TM9SF4: variants seen among roughly 807,000 people sequenced by gnomAD.
The protein encoded by TM9SF4 is transmembrane 9 superfamily member 4.
Under a neutral mutation model 90.4 loss-of-function variants are expected in TM9SF4, and 26 were observed. The ratio of observed to expected loss-of-function variants is 0.29; its 90% CI spans 0.21 to 0.40. The LOEUF (loss-of-function observed/expected upper bound fraction) is 0.40. TM9SF4 is among the 10% of genes least tolerant of loss of function. The pLI, the probability that TM9SF4 is intolerant of heterozygous loss-of-function variation, is 1.00. For missense variants in TM9SF4, 549 were observed against 834.8 expected (o/e 0.66, Z 4.22); for synonymous variants, 293 against 315.4 (o/e 0.93, Z 0.75).
At chr20:32,127,583 T>C (rs939110485) in intron 1 of TM9SF4, among the ~76,000 whole-genome samples, 7 of 152,190 alleles carry the variant, frequency 4.6e-5, no homozygotes, top group African/African-American at 1.7e-4. Context: ...CTCTGGCTTC[T>C]TGTTGTTTTT....
At position 32,142,971 on chromosome 20, in the gene TM9SF4, C is replaced by G; in HGVS notation, c.529-11C>G. ...ATGTTCTGTTGTGCTTTCTCTGTTGCTGTGTTTCAGATCTACCTGCACAAC... is the reference window on the plus strand; with the variant it reads ...ATGTTCTGTTGTGCTTTCTCTGTTGGTGTGTTTCAGATCTACCTGCACAAC... On this transcript the variant is annotated splice_polypyrimidine_tract_variant and intron_variant, in intron 5 of 17. Transcript: ENST00000398022. 1 of 1,612,258 alleles carries G rather than the reference C, an allele frequency of 6.2e-7. No homozygotes were observed. Among genetic ancestry groups the G allele is most frequent in the Non-Finnish European group, 8.5e-7 (1 of 1,178,904 alleles).
chr20:32,127,691 T>C (rs2046443652), intron 1 of TM9SF4, among the ~76,000 whole-genome samples: 1 of 152,240 alleles, frequency 6.6e-6, no homozygotes, highest in African/African-American at 2.4e-5. Flanking sequence ...GGAACAAAAG[T>C]GTATTGAAGT....
intron 1 of TM9SF4, among the ~76,000 whole-genome samples, chr20:32,130,184 C>A (rs2046490134): frequency 6.6e-6 from 1 of 152,148 alleles, no homozygotes; most frequent in Non-Finnish European, 1.5e-5. Flanking sequence ...TTTTGGTTGC[C>A]AACTTCAGTA....
intron 17 of TM9SF4, among the ~76,000 whole-genome samples, chr20:32,163,269 ATAT>A (rs1348449901): frequency 2.5e-4 from 17 of 66,976 alleles, no homozygotes; most frequent in African/African-American, 1.1e-3. Context: ...AAAAAAAAAA[ATAT>A]ATATATATAT....
At chr20:32,111,904 A>C (rs978202330) in intron 1 of TM9SF4, among the ~76,000 whole-genome samples, 2 of 152,204 alleles carry the variant, frequency 1.3e-5, no homozygotes, top group African/African-American at 4.8e-5. Context: ...GGAGGGAAGC[A>C]AGAGCAACTG....
chr20:32,123,571 C>G (rs1480646927), intron 1 of TM9SF4, among the ~76,000 whole-genome samples: 1 of 150,310 alleles, frequency 6.7e-6, no homozygotes, highest in Non-Finnish European at 1.5e-5. Context: ...GAAAGTAGTT[C>G]TTGGTCAAGT....
At chr20:32,126,038 A>G (rs1379636985) in intron 1 of TM9SF4, among the ~76,000 whole-genome samples, 2 of 149,786 alleles carry the variant, frequency 1.3e-5, no homozygotes, top group Non-Finnish European at 3.0e-5. Context: ...CCAGAGCAGA[A>G]ATGTGCTGCA....
At position 32,145,297 on chromosome 20, in the gene TM9SF4, C is replaced by T. The variant is rs1393711629; in HGVS notation, c.772-15C>T. 6.2e-7 allele frequency: 1 copy of T among 1,613,928 alleles called. No individual in the cohort carries two copies. The highest frequency in any genetic ancestry group is 8.5e-7 in the Non-Finnish European group (1 of 1,179,804). ...GCAGGATGCCTGACTCTAAGTGCTT[C>T]CTCCCACCTGCCAGGAAAGTGATAT... On this transcript the variant is annotated splice_polypyrimidine_tract_variant and intron_variant, in intron 7 of 17. Coordinates refer to ENST00000398022, the MANE Select transcript of TM9SF4 (RefSeq NM_014742.4).
Position 32,146,748 on chromosome 20 carries a change from G to A in TM9SF4, c.884-37G>A, listed in dbSNP as rs541370814. The A allele has an allele frequency of 8.7e-6, 14 of 1,607,294 alleles. 1 individual carries two copies. The highest frequency in any genetic ancestry group is 5.0e-5 in the Admixed American group (3 of 59,794). On this transcript the variant is annotated intron_variant, in intron 8 of 17. Transcript: ENST00000398022. ...CATGGAGCATGGGCTTGCTGGCAGC[G>A]CCAACTTCTCCTCATCCTCACCGCC...
At chr20:32,144,746 C>T (rs2046735501) in intron 6 of TM9SF4, among the ~76,000 whole-genome samples, 1 of 152,004 alleles carries the variant, frequency 6.6e-6, no homozygotes, top group African/African-American at 2.4e-5. Flanking sequence ...CTTGTCCCTA[C>T]AAAAAAATGT....
intron 12 of TM9SF4, 87 bp from the exon 13 acceptor site, chr20:32,155,016 T>C: frequency 1.1e-6 from 1 of 945,370 alleles, no homozygotes; most frequent in East Asian, 2.4e-5. Context: ...CAAGGAGGGC[T>C]TAAGAGCTTC....
chr20:32,113,767 A>T (rs962713114), intron 1 of TM9SF4, among the ~76,000 whole-genome samples: 1 of 152,222 alleles, frequency 6.6e-6, no homozygotes, highest in Non-Finnish European at 1.5e-5. Flanking sequence ...GGTTATCACC[A>T]TTGTGTAATT....
intron 12 of TM9SF4, among the ~76,000 whole-genome samples, chr20:32,154,211 A>G (rs1035766250): frequency 2.0e-5 from 3 of 152,008 alleles, no homozygotes; most frequent in Non-Finnish European, 2.9e-5. Flanking sequence ...GTGCAGTGGC[A>G]TGACTCGGCT....
At chr20:32,145,275 G>A (rs2122421146) in intron 7 of TM9SF4, 37 bp from the exon 8 acceptor site, 1 of 1,613,518 alleles carries the variant, frequency 6.2e-7, no homozygotes, top group Non-Finnish European at 8.5e-7. Context: ...TTCTCCAGCA[G>A]GATGCCTGAC....
chr20:32,116,862 C>CTTTTTTTTTTTTTTTT (rs201365030), intron 1 of TM9SF4, among the ~76,000 whole-genome samples: 46 of 95,850 alleles, frequency 4.8e-4, no homozygotes, highest in Non-Finnish European at 7.3e-4. Flanking sequence ...TTTCCTTTTT[C>CTTTTTTTTTTTTTTTT]TTTTTTTTTT....
intron 1 of TM9SF4, among the ~76,000 whole-genome samples, chr20:32,129,382 A>G (rs1231031958): frequency 6.6e-6 from 1 of 152,018 alleles, no homozygotes; most frequent in Non-Finnish European, 1.5e-5. Context: ...GGTCCCAGCT[A>G]CTTGGCAAGT....
chr20:32,129,924 C>G (rs1388010514), intron 1 of TM9SF4, among the ~76,000 whole-genome samples: 1 of 152,144 alleles, frequency 6.6e-6, no homozygotes, highest in Non-Finnish European at 1.5e-5. Context: ...TTGGTGAACA[C>G]CCTTTCATGT....
intron 1 of TM9SF4, among the ~76,000 whole-genome samples, chr20:32,119,091 C>T (rs1159105920): frequency 1.3e-5 from 2 of 152,166 alleles, no homozygotes; most frequent in East Asian, 1.9e-4. Flanking sequence ...GTGGCTCACA[C>T]CTGTAATCCC....
intron 3 of TM9SF4, among the ~76,000 whole-genome samples, chr20:32,137,499 G>A (rs1299035930): frequency 6.6e-6 from 1 of 152,190 alleles, no homozygotes; most frequent in African/African-American, 2.4e-5. Flanking sequence ...GTATACAAAT[G>A]TTATCCTGCC....
Sources: allele counts gnomAD v4.1 joint callset (sites outside exome capture counted in the v4.1 genomes callset), GRCh38; gene constraint gnomAD v4.1.1; transcripts MANE v1.5; gene names NCBI Gene and HGNC (gene_info 2026-07-23, HGNC 2026-07-21).